Variants in PDE3B observed in about 807,000 individuals in gnomAD.
The protein encoded by PDE3B is phosphodiesterase 3B.
In PDE3B, 66 loss-of-function variants were observed where a neutral mutation model predicts 116.8. That is an observed-to-expected ratio of 0.56 (90% CI 0.46 to 0.69). The LOEUF is 0.69. PDE3B is among the 30% of genes least tolerant of loss of function. The probability of loss-of-function intolerance (pLI) is 0.00; values close to 1 mark genes in which losing one functional copy is unlikely to be tolerated. For synonymous variants in PDE3B, 595 were observed against 533.6 expected (o/e 1.12, Z -1.59); for missense variants, 1,384 against 1,368.1 (o/e 1.01, Z -0.18).
At chr11:14,726,907 C>T (rs774923334) in intron 1 of PDE3B, among the ~76,000 whole-genome samples, 7 of 152,020 alleles carry the variant, frequency 4.6e-5, no homozygotes, top group Non-Finnish European at 5.9e-5. Flanking sequence ...GATCATTGAA[C>T]GGAGGAAATG....
chr11:14,681,233 A>T (rs1461463509), intron 1 of PDE3B, among the ~76,000 whole-genome samples: 4 of 152,174 alleles, frequency 2.6e-5, no homozygotes, highest in Non-Finnish European at 4.4e-5. Flanking sequence ...CCTCATTGTA[A>T]GTCGAGGAGC....
chr11:14,807,434 A>G (rs1858974682), intron 5 of PDE3B, among the ~76,000 whole-genome samples: 1 of 152,200 alleles, frequency 6.6e-6, no homozygotes, highest in Admixed American at 6.5e-5. Flanking sequence ...ATTTAAGAGA[A>G]GCTAATATTC....
At chr11:14,780,750 A>G (rs1410226672) in intron 2 of PDE3B, among the ~76,000 whole-genome samples, 1 of 152,220 alleles carries the variant, frequency 6.6e-6, no homozygotes, top group Non-Finnish European at 1.5e-5. Context: ...ATCACAATTA[A>G]AAGAACAAGA....
chr11:14,800,767 A>G (rs1858731536), intron 4 of PDE3B, among the ~76,000 whole-genome samples: 1 of 152,092 alleles, frequency 6.6e-6, no homozygotes, highest in Non-Finnish European at 1.5e-5. Context: ...ACTTGGCTCC[A>G]TTCCCCCTGT....
intron 1 of PDE3B, among the ~76,000 whole-genome samples, chr11:14,683,095 G>A (rs571733274): frequency 2.0e-5 from 3 of 152,040 alleles, no homozygotes; most frequent in South Asian, 2.1e-4. Context: ...GCGCCACAAC[G>A]CCTGGCTAAT....
chr11:14,886,150 A>G, the PDE3B span: 1 of 534,422 alleles, frequency 1.9e-6, no homozygotes, highest in Non-Finnish European at 3.4e-6. Context: ...TACCAACAGT[A>G]TAATGAAAAG....
At chr11:14,703,595 T>C (rs1855438558) in intron 1 of PDE3B, among the ~76,000 whole-genome samples, 1 of 151,826 alleles carries the variant, frequency 6.6e-6, no homozygotes, top group Non-Finnish European at 1.5e-5. Context: ...TAGCATATTA[T>C]AATGTTCTTT....
At chr11:14,754,742 T>C (rs969042948) in intron 1 of PDE3B, among the ~76,000 whole-genome samples, 9 of 152,156 alleles carry the variant, frequency 5.9e-5, no homozygotes, top group African/African-American at 1.9e-4. Context: ...CCATCTCTTT[T>C]AAAACAAACA....
intron 1 of PDE3B, among the ~76,000 whole-genome samples, chr11:14,738,712 T>G (rs917942538): frequency 6.6e-6 from 1 of 152,246 alleles, no homozygotes; most frequent in Non-Finnish European, 1.5e-5. Context: ...CTAGGTTTTC[T>G]TCTAGGGTTT....
intron 1 of PDE3B, among the ~76,000 whole-genome samples, chr11:14,686,904 G>T (rs1002134507): frequency 6.6e-6 from 1 of 151,796 alleles, no homozygotes; most frequent in Admixed American, 6.6e-5. Flanking sequence ...TATTAGAGAC[G>T]GTGTTTCACC....
At chr11:14,678,227 A>G (rs139449290) in intron 1 of PDE3B, among the ~76,000 whole-genome samples, 155 of 152,008 alleles carry the variant, frequency 1.0e-3, no homozygotes, top group Non-Finnish European at 1.7e-3. Flanking sequence ...CACCTGGCCT[A>G]TCCATTCATT....
intron 5 of PDE3B, among the ~76,000 whole-genome samples, chr11:14,809,893 T>A (rs1250198548): frequency 5.6e-5 from 2 of 35,886 alleles, no homozygotes; most frequent in African/African-American, 1.4e-4. Context: ...GACTAAAGTA[T>A]TTTTTTTTTT....
In PDE3B at chr11:14,644,207, G is replaced by A. The variant is rs745516625; in HGVS notation, c.132G>A (p.Pro44=). The A allele has an allele frequency of 1.3e-6, 2 of 1,594,796 alleles. No individual in the cohort carries two copies. The highest frequency in any genetic ancestry group is 3.4e-5 in the Admixed American group (2 of 59,470). Residue 44 remains proline (P), a synonymous_variant, in exon 1 of 16, where the codon CCG becomes CCA. Transcript: ENST00000282096. ...TGAGCCCCTTGCGGCAGGACCCTCCGCGCGGCTTCTTCTTCCACCTCTGCC... is the reference window on the plus strand; with the variant it reads ...TGAGCCCCTTGCGGCAGGACCCTCCACGCGGCTTCTTCTTCCACCTCTGCC... ...SCVSPLRQDP[P]RGFFFHLCRF...
intron 2 of PDE3B, among the ~76,000 whole-genome samples, chr11:14,785,016 T>A (rs769726349): frequency 3.8e-4 from 58 of 152,256 alleles, no homozygotes; most frequent in Non-Finnish European, 6.2e-4. Context: ...GAATTCAGAT[T>A]AAAACAGCAA....
chr11:14,653,513 C>T (rs1191859189), intron 1 of PDE3B, among the ~76,000 whole-genome samples: 11 of 151,640 alleles, frequency 7.3e-5, no homozygotes, highest in African/African-American at 2.7e-4. Context: ...TGCAGTGAGC[C>T]GACATCATGC....
chr11:14,675,867 TG>T (rs1203908961), intron 1 of PDE3B, among the ~76,000 whole-genome samples: 2 of 152,162 alleles, frequency 1.3e-5, no homozygotes, highest in Admixed American at 1.3e-4. Context: ...AAGTCTTTTT[TG>T]TGGAGACATG....
chr11:14,812,461 G>A (rs543963814), intron 5 of PDE3B, among the ~76,000 whole-genome samples: 108 of 152,104 alleles, frequency 7.1e-4, no homozygotes, highest in Middle Eastern at 6.8e-3. Context: ...TTAAAATGTC[G>A]GAAGAAGCTA....
Position 14,818,377 on chromosome 11 carries a change from A to G in PDE3B, c.1717A>G (p.Ser573Gly). The G allele has an allele frequency of 6.2e-7, 1 of 1,607,712 alleles. No individual in the cohort carries two copies. The highest frequency in any genetic ancestry group is 8.5e-7 in the Non-Finnish European group (1 of 1,174,212). Residue 573 changes from serine (S) to glycine (G), a missense_variant, in exon 6 of 16, where the codon AGC (serine) becomes GGC (glycine). Coordinates refer to ENST00000282096, the MANE Select transcript of PDE3B (RefSeq NM_000922.4). ...TTATCAGCAACTTAGAAATTCTGAT[A>G]GCAATCTGTGTAACAGGTAAGTTTC... The part of the protein sequence containing the change: ...DFYQQLRNSD[S>G]NLCNSCGHQM...
At chr11:14,680,005 T>G (rs1854652358) in intron 1 of PDE3B, among the ~76,000 whole-genome samples, 1 of 152,140 alleles carries the variant, frequency 6.6e-6, no homozygotes, top group Non-Finnish European at 1.5e-5. Flanking sequence ...TCAGGGATTA[T>G]ACCTAGGAAC....
Sources: allele counts gnomAD v4.1 joint callset (sites outside exome capture counted in the v4.1 genomes callset), GRCh38; gene constraint gnomAD v4.1.1; transcripts MANE v1.5; gene names NCBI Gene and HGNC (gene_info 2026-07-23, HGNC 2026-07-21).